The following TENT4B variants were observed in gnomAD, a reference collection of about 807,000 sequenced individuals.
The protein encoded by TENT4B is terminal nucleotidyltransferase 4B.
In TENT4B, 10 loss-of-function variants were observed where a neutral mutation model predicts 75.0. The ratio of observed to expected loss-of-function variants is 0.13; its 90% confidence interval spans 0.08 to 0.23. The LOEUF is 0.23. TENT4B is among the 10% of genes least tolerant of loss of function. The pLI is 1.00. For missense variants in TENT4B, 579 were observed against 893.8 expected (o/e 0.65, Z 4.49); for synonymous variants, 350 against 357.7 (o/e 0.98, Z 0.24).
At chr16:50,193,292 G>A (rs553202952) in intron 1 of TENT4B, among the ~76,000 whole-genome samples, 85 of 150,446 alleles carry the variant, frequency 5.6e-4, no homozygotes, top group African/African-American at 2.1e-3. Context: ...AGTCAGGCCG[G>A]TAAAGAGGAG....
chr16:50,199,238 T>C (rs2030480469), intron 1 of TENT4B, among the ~76,000 whole-genome samples: 1 of 152,260 alleles, frequency 6.6e-6, no homozygotes, highest in Admixed American at 6.5e-5. Flanking sequence ...CCCTGGCCCA[T>C]GACCATGGGG....
chr16:50,218,087 CT>C lies in TENT4B; in HGVS notation c.1038+427del, dbSNP rs568882077. On this transcript the variant is annotated intron_variant, in intron 5 of 11. Coordinates refer to ENST00000561678, the MANE Select transcript of TENT4B (RefSeq NM_001365324.3). ...CTTACTTTTGTATGCAACGGTTTTG[CT>C]TTCTTTGAATCTGCTTGTAATGATC... 4.7e-3 allele frequency among the ~76,000 whole-genome samples: 715 copies of C among 152,080 alleles called. 7 individuals carry two copies. The highest frequency in any genetic ancestry group is 0.017 in the African/African-American group (686 of 41,472).
intron 1 of TENT4B, among the ~76,000 whole-genome samples, chr16:50,156,864 G>A (rs936165059): frequency 6.6e-6 from 1 of 151,940 alleles, no homozygotes; most frequent in Admixed American, 6.6e-5. Flanking sequence ...GCCTCCATTT[G>A]TTGCCTAGGC....
chr16:50,183,441 G>T (rs1295021972), intron 1 of TENT4B, among the ~76,000 whole-genome samples: 1 of 151,068 alleles, frequency 6.6e-6, no homozygotes. Context: ...TGACTGTGTT[G>T]GTTGTGTTGT....
chr16:50,234,758 T>C lies in TENT4B; in HGVS notation c.*5430T>C, dbSNP rs781683744. On this transcript the variant is annotated 3_prime_UTR_variant, in exon 12 of 12. Coordinates refer to ENST00000561678, the MANE Select transcript of TENT4B (RefSeq NM_001365324.3). Reference sequence around the variant, plus strand: ...AGCACTGCCTTAACACACATTGTTATGGGTGAAAAGTGAGGGACGACCAGT... The same window carrying C: ...AGCACTGCCTTAACACACATTGTTACGGGTGAAAAGTGAGGGACGACCAGT... 3.9e-4 allele frequency: 389 copies of C among 985,334 alleles called. No homozygotes were observed. The highest frequency in any genetic ancestry group is 4.4e-4 in the Non-Finnish European group (364 of 829,934). 61.0% of individuals were successfully genotyped at this position (985,334 alleles called of 1,614,324 possible). A position where few individuals can be genotyped will look rare whatever the true frequency, so the allele number is the denominator to read the frequency against.
At position 50,153,757 on chromosome 16, in the gene TENT4B, AGCG is replaced by A. The variant is rs750459145; in HGVS notation, c.148_150del (p.Gly50del). 2.2e-4 allele frequency: 236 copies of A among 1,067,148 alleles called. No homozygotes were observed. Among genetic ancestry groups the A allele is most frequent in the South Asian group, 1.2e-3 (30 of 25,964 alleles). 66.1% of individuals were successfully genotyped at this position (1,067,148 alleles called of 1,614,324 possible). On this transcript the variant is annotated inframe_deletion, in exon 1 of 12. Transcript: ENST00000561678. ...CCACTGTCACAGCAGCGGCGGCGCG[AGCG>A]GCGGCGGCGGCAGCAGCAGCAGCAG... is the stretch of plus-strand genomic sequence containing the variant.
At chr16:50,205,802 G>A (rs1349750115) in intron 1 of TENT4B, among the ~76,000 whole-genome samples, 3 of 151,648 alleles carry the variant, frequency 2.0e-5, no homozygotes, top group African/African-American at 7.3e-5. Context: ...TGTTGGCCAG[G>A]CTGGTCTGAA....
chr16:50,173,324 T>G (rs1267365447), intron 1 of TENT4B, among the ~76,000 whole-genome samples: 1 of 152,242 alleles, frequency 6.6e-6, no homozygotes, highest in African/African-American at 2.4e-5. Context: ...AAGGACATTT[T>G]GGTTGCTCCT....
At chr16:50,167,097 T>G (rs1044316055) in intron 1 of TENT4B, among the ~76,000 whole-genome samples, 1 of 152,104 alleles carries the variant, frequency 6.6e-6, no homozygotes, top group African/African-American at 2.4e-5. Context: ...GCTAAAACAG[T>G]TCTTTATATT....
At chr16:50,170,164 C>T (rs371333094) in intron 1 of TENT4B, among the ~76,000 whole-genome samples, 4 of 151,840 alleles carry the variant, frequency 2.6e-5, no homozygotes, top group South Asian at 2.1e-4. Context: ...GGATTACAGG[C>T]GCCTGCCACC....
intron 4 of TENT4B, among the ~76,000 whole-genome samples, chr16:50,216,400 T>A (rs1051388507): frequency 6.6e-6 from 1 of 152,238 alleles, no homozygotes; most frequent in Non-Finnish European, 1.5e-5. Context: ...AACCTGTGCC[T>A]CCTCGGCTCA....
At chr16:50,155,275 GTGTGT>G (rs2037874119) in intron 1 of TENT4B, among the ~76,000 whole-genome samples, 8 of 147,758 alleles carry the variant, frequency 5.4e-5, no homozygotes, top group Non-Finnish European at 9.0e-5. Context: ...TCTCGTGGGT[GTGTGT>G]GTGTGTGTGT....
At chr16:50,167,234 A>G (rs2038118315) in intron 1 of TENT4B, among the ~76,000 whole-genome samples, 1 of 152,272 alleles carries the variant, frequency 6.6e-6, no homozygotes, top group Non-Finnish European at 1.5e-5. Context: ...AATTACCAAA[A>G]CATCTCATAA....
chr16:50,153,415 C>T lies in TENT4B; in HGVS notation c.-207C>T, dbSNP rs944430526. 6.8e-6 allele frequency among the ~76,000 whole-genome samples: 1 copy of T among 146,286 alleles called. No individual in the cohort carries two copies. The highest frequency in any genetic ancestry group is 2.5e-5 in the African/African-American group (1 of 40,738). ...GGGAGGGGGGGAGGGCCCGCGGAGCCCCCGAGGGCGGGAGCGACGCCGCCG... is the reference window on the plus strand; with the variant it reads ...GGGAGGGGGGGAGGGCCCGCGGAGCTCCCGAGGGCGGGAGCGACGCCGCCG... On this transcript the variant is annotated 5_prime_UTR_variant, in exon 1 of 12. Coordinates refer to ENST00000561678, the MANE Select transcript of TENT4B (RefSeq NM_001365324.3).
At chr16:50,208,198 A>G (rs1023236276) in intron 1 of TENT4B, among the ~76,000 whole-genome samples, 1 of 152,166 alleles carries the variant, frequency 6.6e-6, no homozygotes, top group African/African-American at 2.4e-5. Context: ...CAGTGTGGCA[A>G]ATATGCATCA....
At chr16:50,180,418 A>G (rs1048135915) in intron 1 of TENT4B, among the ~76,000 whole-genome samples, 9 of 152,112 alleles carry the variant, frequency 5.9e-5, no homozygotes, top group African/African-American at 2.2e-4. Context: ...ATATTTTTTG[A>G]AATAATAGGC....
At chr16:50,219,093 GGTGTGT>G (rs145308558) in intron 5 of TENT4B, among the ~76,000 whole-genome samples, 15 of 151,214 alleles carry the variant, frequency 9.9e-5, no homozygotes, top group Admixed American at 2.6e-4. Context: ...CTATATTGGG[GGTGTGT>G]GTGTGTGTGT....
chr16:50,210,651 T>A (rs1227273136), intron 1 of TENT4B, among the ~76,000 whole-genome samples: 2 of 152,196 alleles, frequency 1.3e-5, no homozygotes, highest in African/African-American at 4.8e-5. Flanking sequence ...CAGAAACATT[T>A]AAATAGCTAT....
intron 1 of TENT4B, among the ~76,000 whole-genome samples, chr16:50,170,916 C>T (rs530279386): frequency 6.6e-6 from 1 of 151,960 alleles, no homozygotes; most frequent in African/African-American, 2.4e-5. Flanking sequence ...ATCCACCTGC[C>T]TCCCAGAGTG....
Sources: gnomAD v4.1 joint callset for allele counts (sites outside exome capture counted in the v4.1 genomes callset) on GRCh38, gnomAD v4.1.1 for gene constraint, MANE v1.5 for transcripts, NCBI Gene and HGNC (gene_info 2026-07-23, HGNC 2026-07-21) for gene names.